KIF15: variants seen among roughly 807,000 people sequenced by gnomAD.
KIF15 encodes the protein kinesin family member 15, also known as kinesin-like protein KIF15.
A neutral mutation model predicts 190.6 loss-of-function variants in KIF15; 140 were observed. The observed-to-expected ratio is 0.73, with a 90% CI of 0.64 to 0.84. The LOEUF (loss-of-function observed/expected upper bound fraction) is 0.84, where lower values mean the gene tolerates loss of function less well. Ranked by LOEUF, KIF15 falls within the 40% of genes least tolerant of loss-of-function variation. The pLI, the probability that KIF15 is intolerant of heterozygous loss-of-function variation, is 0.00. For missense variants in KIF15, 1,372 were observed against 1,584.4 expected (o/e 0.87, Z 2.28); for synonymous variants, 528 against 551.3 (o/e 0.96, Z 0.59).
At chr3:44,829,557 T>TA (rs1553658691) in intron 24 of KIF15, among the ~76,000 whole-genome samples, 1 of 112,304 alleles carries the variant, frequency 8.9e-6, no homozygotes, top group Non-Finnish European at 1.7e-5. Context: ...TATGTATATA[T>TA]TATATATGTA....
At chr3:44,797,702 G>A in intron 9 of KIF15, 26 bp downstream of exon 9, 1 of 1,611,418 alleles carries the variant, frequency 6.2e-7, no homozygotes. Flanking sequence ...GGGTTCCTGG[G>A]CTCCTTTTGG....
intron 1 of KIF15, among the ~76,000 whole-genome samples, chr3:44,762,932 G>C (rs1312404779): frequency 6.6e-6 from 1 of 152,038 alleles, no homozygotes; most frequent in Non-Finnish European, 1.5e-5. Context: ...TTTGTTCTTT[G>C]TTTCCACTTT....
chr3:44,847,361 G>C (rs1480122021), intron 30 of KIF15, among the ~76,000 whole-genome samples: 2 of 152,124 alleles, frequency 1.3e-5, no homozygotes, highest in African/African-American at 4.8e-5. Flanking sequence ...TCCTCACCTG[G>C]TCAGGCTCAC....
intron 30 of KIF15, among the ~76,000 whole-genome samples, chr3:44,844,648 T>A (rs1402795899): frequency 6.6e-6 from 1 of 152,200 alleles, no homozygotes; most frequent in Non-Finnish European, 1.5e-5. Flanking sequence ...ACTACCAACA[T>A]ATCTAAGTCA....
At chr3:44,825,971 A>T (rs1697615082) in intron 20 of KIF15, 68 bp from the exon 21 acceptor site, 2 of 1,364,282 alleles carry the variant, frequency 1.5e-6, no homozygotes, top group South Asian at 1.3e-5. Flanking sequence ...ATTGAACTGC[A>T]GATGATCTGA....
At chr3:44,793,145 T>A (rs910982054) in intron 7 of KIF15, among the ~76,000 whole-genome samples, 3 of 152,148 alleles carry the variant, frequency 2.0e-5, no homozygotes, top group Non-Finnish European at 4.4e-5. Context: ...TTCTATGGGA[T>A]AGGTACCCAT....
intron 6 of KIF15, among the ~76,000 whole-genome samples, chr3:44,861,460 G>A (rs1351662248): frequency 1.3e-5 from 2 of 152,222 alleles, no homozygotes; most frequent in African/African-American, 2.4e-5. Context: ...GGGTCTGGAG[G>A]TCCCCAGCGC....
intron 6 of KIF15, chr3:44,862,677 C>G (rs1226009631): frequency 6.6e-6 from 1 of 152,060 alleles, no homozygotes; most frequent in Non-Finnish European, 1.5e-5. Flanking sequence ...GTTTTCCTGA[C>G]GCTGAGAACT....
chr3:44,866,232 C>G (rs1026212430), intron 6 of KIF15, among the ~76,000 whole-genome samples: 2 of 151,924 alleles, frequency 1.3e-5, no homozygotes, highest in Non-Finnish European at 2.9e-5. Context: ...GCCACCATGC[C>G]CAGCTAATTT....
At chr3:44,786,308 T>G (rs1001565000) in intron 6 of KIF15, 87 bp from the exon 7 acceptor site, 2 of 1,085,754 alleles carry the variant, frequency 1.8e-6, no homozygotes, top group Non-Finnish European at 2.6e-6. Flanking sequence ...ATTTACATCT[T>G]GTGAAGCGAG....
At chr3:44,865,514 A>G (rs1342934057) in intron 6 of KIF15, 1 of 273,138 alleles carries the variant, frequency 3.7e-6, no homozygotes. Flanking sequence ...CCTGTTGCCA[A>G]ACAAAAGCCA....
At chr3:44,837,777 G>C (rs116514617) in intron 26 of KIF15, among the ~76,000 whole-genome samples, 2,846 of 152,274 alleles carry the variant, frequency 0.019, 76 homozygotes, top group African/African-American at 0.064. Flanking sequence ...TTCTGTGCCA[G>C]TTTCCACAAA....
Position 44,848,010 on chromosome 3 carries a change from C to A in KIF15, c.3721C>A (p.Gln1241Lys). The change falls in exon 31 of 35, where the codon CAG (glutamine) becomes AAG (lysine). Residue 1241 changes from glutamine (Q) to lysine (K), a missense_variant. Physicochemically the swap from Gln to Lys is moderately conservative, Grantham distance 53 (BLOSUM62 1). Transcript: ENST00000326047. ...TGATCAGAATCATCCAGATAATCAA[C>A]AGCTGAAGAATGAACAAGAAGAAAG... ...NSDQNHPDNQ[Q>K]LKNEQEESIK... 6.2e-7 allele frequency: 1 copy of A among 1,611,576 alleles called. No homozygotes were observed. Among genetic ancestry groups the A allele is most frequent in the Non-Finnish European group, 8.5e-7 (1 of 1,178,844 alleles).
chr3:44,864,638 G>T (rs1482158057), intron 6 of KIF15, among the ~76,000 whole-genome samples: 1 of 152,150 alleles, frequency 6.6e-6, no homozygotes, highest in East Asian at 1.9e-4. Flanking sequence ...TGTTTCCTAG[G>T]GTTCTGTGTA....
rs764788641 is a variant in KIF15 at position 44,815,057 on chromosome 3, C to T, written c.2530C>T (p.Leu844Phe). ...KLSERHMHVQ[L>F]QLDNLRLENE... ...TTCCGAAAGACACATGCATGTACAG[C>T]TTCAATTAGATAATCTCAGGTAGAG... is the stretch of plus-strand genomic sequence containing the variant. Residue 844 changes from leucine to phenylalanine, a missense_variant, in exon 20 of 35, where the codon CTT (leucine) becomes TTT (phenylalanine). Leu to Phe is a conservative substitution (Grantham distance 22). Transcript: ENST00000326047. 20 of 1,597,154 alleles carry T rather than the reference C, an allele frequency of 1.3e-5. No homozygotes were observed. The highest frequency in any genetic ancestry group is 1.7e-5 in the Non-Finnish European group (20 of 1,173,622).
chr3:44,862,145 TGCTGCGG>T, intron 6 of KIF15: 5 of 139,592 alleles, frequency 3.6e-5, no homozygotes, highest in Non-Finnish European at 7.1e-5. Context: ...TTGGTGCTGC[TGCTGCGG>T]GCGGGCGGGC....
intron 1 of KIF15, among the ~76,000 whole-genome samples, chr3:44,770,643 A>G (rs1287950822): frequency 6.6e-6 from 1 of 152,208 alleles, no homozygotes; most frequent in Non-Finnish European, 1.5e-5. Flanking sequence ...TAAAACAACT[A>G]GTGTCTTCAG....
intron 26 of KIF15, 129 bp downstream of exon 26, chr3:44,831,147 C>T: frequency 9.5e-7 from 1 of 1,050,656 alleles, no homozygotes; most frequent in Non-Finnish European, 1.4e-6. Flanking sequence ...GCTGATGTGC[C>T]TCAAGACGCT....
chr3:44,800,016 T>C (rs538421468), intron 10 of KIF15, among the ~76,000 whole-genome samples: 84 of 152,064 alleles, frequency 5.5e-4, no homozygotes, highest in African/African-American at 2.0e-3. Flanking sequence ...GAAAGAAGTA[T>C]TAGGTGAACA....
Sources: allele counts gnomAD v4.1 joint callset (sites outside exome capture counted in the v4.1 genomes callset), GRCh38; gene constraint gnomAD v4.1.1; transcripts MANE v1.5; gene names NCBI Gene and HGNC (gene_info 2026-07-23, HGNC 2026-07-21).